Variants in ANKRD22 observed in about 807,000 individuals in gnomAD.
ANKRD22 encodes ankyrin repeat domain-containing protein 22.
In ANKRD22, 24 loss-of-function variants were observed where a neutral mutation model predicts 25.7. The ratio of observed to expected loss-of-function variants is 0.93; its 90% CI spans 0.68 to 1.31. The LOEUF (loss-of-function observed/expected upper bound fraction) is 1.31, where lower values mean the gene tolerates loss of function less well. Ranked by LOEUF, ANKRD22 falls within the 50% of genes most tolerant of loss-of-function variation. The pLI, the probability that ANKRD22 is intolerant of heterozygous loss-of-function variation, is 0.00. For missense variants in ANKRD22, 214 were observed against 227.1 expected (o/e 0.94, Z 0.37); for synonymous variants, 84 against 84.3 (o/e 1.00, Z 0.02).
intron 4 of ANKRD22, among the ~76,000 whole-genome samples, chr10:88,825,007 T>TCACACACACACACACA (rs568461484): frequency 4.2e-4 from 49 of 115,518 alleles, no homozygotes; most frequent in Middle Eastern, 4.8e-3. Flanking sequence ...TCTCTCTCTC[T>TCACACACACACACACA]CTCTCACACA....
chr10:88,845,701 G>C (rs1469664607), intron 1 of ANKRD22, among the ~76,000 whole-genome samples: 1 of 152,062 alleles, frequency 6.6e-6, no homozygotes, highest in Non-Finnish European at 1.5e-5. Context: ...TCACCCATTA[G>C]TCTAATGCAA....
chr10:88,829,931 C>T (rs1843888954), intron 2 of ANKRD22, among the ~76,000 whole-genome samples: 2 of 152,242 alleles, frequency 1.3e-5, no homozygotes, highest in Non-Finnish European at 1.5e-5. Context: ...CATGTGCCAC[C>T]ACACCTGGAT....
intron 4 of ANKRD22, 37 bp from the exon 5 acceptor site, chr10:88,823,415 CG>C (rs1564601674): frequency 6.6e-7 from 1 of 1,504,586 alleles, no homozygotes; most frequent in East Asian, 2.3e-5. Context: ...GCTCATAAGT[CG>C]GGCCCTCCAC....
At chr10:88,846,296 A>C (rs1338181134) in intron 1 of ANKRD22, among the ~76,000 whole-genome samples, 1 of 152,140 alleles carries the variant, frequency 6.6e-6, no homozygotes. Flanking sequence ...CATATACAAC[A>C]TCCTTTATGC....
At chr10:88,849,673 G>A (rs1271059599) in intron 1 of ANKRD22, among the ~76,000 whole-genome samples, 1 of 151,928 alleles carries the variant, frequency 6.6e-6, no homozygotes, top group African/African-American at 2.4e-5. Context: ...CTTAAAATAG[G>A]GCCTAATCTA....
At chr10:88,826,597 A>C (rs893852434) in intron 3 of ANKRD22, among the ~76,000 whole-genome samples, 1 of 152,116 alleles carries the variant, frequency 6.6e-6, no homozygotes, top group African/African-American at 2.4e-5. Context: ...TTAATCTTTC[A>C]TTCTCAGAGA....
At chr10:88,823,593 C>T (rs796828323) in intron 4 of ANKRD22, 5 of 434,444 alleles carry the variant, frequency 1.2e-5, no homozygotes, top group Admixed American at 7.3e-5. Context: ...TTTGGGAGGC[C>T]GAGGCGGGCG....
At chr10:88,825,315 T>C (rs755684208) in intron 4 of ANKRD22, among the ~76,000 whole-genome samples, 2 of 152,252 alleles carry the variant, frequency 1.3e-5, no homozygotes, top group Non-Finnish European at 1.5e-5. Context: ...CTTTTGTCTT[T>C]CTGTGATCAT....
intron 1 of ANKRD22, among the ~76,000 whole-genome samples, chr10:88,841,934 G>T (rs1172324717): frequency 1.3e-5 from 2 of 152,024 alleles, no homozygotes; most frequent in Admixed American, 6.6e-5. Context: ...TCCTGAATCG[G>T]TATTTGCTCA....
chr10:88,840,418 G>T (rs1158889783), intron 1 of ANKRD22, among the ~76,000 whole-genome samples: 1 of 152,138 alleles, frequency 6.6e-6, no homozygotes, highest in Non-Finnish European at 1.5e-5. Context: ...TGAACAACTT[G>T]TACCACTATG....
chr10:88,820,588 A>C lies in ANKRD22; in HGVS notation c.*2353T>G. On this transcript the variant is annotated 3_prime_UTR_variant, in exon 6 of 6. Coordinates refer to ENST00000371930, the MANE Select transcript of ANKRD22 (RefSeq NM_144590.3). ...GCAGAATTACGGAGAGCAGAGACCT[A>C]GTATACATTTTTCAGATTCCCTGCA... 7.7e-7 allele frequency: 1 copy of C among 1,298,284 alleles called. No homozygotes were observed. The highest frequency in any genetic ancestry group is 1.0e-6 in the Non-Finnish European group (1 of 970,264). The allele number at this position is 1,298,284 out of a possible 1,614,324, so 80.4% of individuals were successfully genotyped here.
rs746281497 is a variant in ANKRD22, at chr10:88,822,063, A to G, written c.*878T>C. ...CCTTGTATTTACAAAAGGATCATGA[A>G]GATTTTTTTAAACGAACATTTTCAT... On this transcript the variant is annotated 3_prime_UTR_variant, in exon 6 of 6. Transcript: ENST00000371930. The G allele has an allele frequency of 7.2e-5, 11 of 152,258 alleles. No individual in the cohort carries two copies. The highest frequency in any genetic ancestry group is 1.6e-4 in the Non-Finnish European group (11 of 68,042). The allele number at this position is 152,258 out of a possible 1,614,324, so 9.4% of individuals were successfully genotyped here.
rs1225084277 is a variant in ANKRD22 at position 88,828,602 on chromosome 10, A to T, written c.278T>A (p.Ile93Asn). 2.5e-6 allele frequency: 4 copies of T among 1,611,542 alleles called. No individual in the cohort carries two copies. Reference protein sequence around the residue: ...KKFTFIDYLLIILLMPVLLIG... With the variant: ...KKFTFIDYLLNILLMPVLLIG... ...AAGCAGAACAGGCATTAAGAGGATA[A>T]TTAGTAGATAATCAATGAAGGTAAA... The change falls in exon 3 of 6, where the codon ATT becomes AAT. Residue 93 changes from isoleucine to asparagine, a missense_variant. Transcript: ENST00000371930.
At chr10:88,824,124 G>A (rs1843831442) in intron 4 of ANKRD22, among the ~76,000 whole-genome samples, 1 of 152,200 alleles carries the variant, frequency 6.6e-6, no homozygotes, top group African/African-American at 2.4e-5. Context: ...TGCTCTTGCT[G>A]CAGGACACCT....
At chr10:88,842,043 G>A (rs1298121610) in intron 1 of ANKRD22, among the ~76,000 whole-genome samples, 1 of 152,094 alleles carries the variant, frequency 6.6e-6, no homozygotes, top group Non-Finnish European at 1.5e-5. Flanking sequence ...CAGTTTGGCT[G>A]GGGAAGGGCC....
chr10:88,831,987 C>T lies in ANKRD22; in HGVS notation c.61G>A (p.Val21Met). Reference sequence around the variant, plus strand: ...CTGTCTTCTTTCACCCACCGCCACACTTGTCCAAAGTCATTCTGATAGGCT... The same window carrying T: ...CTGTCTTCTTTCACCCACCGCCACATTTGTCCAAAGTCATTCTGATAGGCT... Reference protein sequence around the residue: ...QAAYQNDFGQVWRWVKEDSSY... With the variant: ...QAAYQNDFGQMWRWVKEDSSY... The change falls in exon 2 of 6, where the codon GTG (valine) becomes ATG (methionine). Residue 21 changes from valine (V) to methionine (M), a missense_variant. Coordinates refer to ENST00000371930, the MANE Select transcript of ANKRD22 (RefSeq NM_144590.3). The T allele has an allele frequency of 6.2e-7, 1 of 1,613,592 alleles. No individual in the cohort carries two copies. Among genetic ancestry groups the T allele is most frequent in the Non-Finnish European group, 8.5e-7 (1 of 1,179,816 alleles).
intron 1 of ANKRD22, among the ~76,000 whole-genome samples, chr10:88,840,301 G>A (rs1468998987): frequency 1.3e-5 from 2 of 152,258 alleles, no homozygotes; most frequent in South Asian, 2.1e-4. Flanking sequence ...TCAGCATGTT[G>A]ATGATTAACT....
At position 88,825,001 on chromosome 10, in the gene ANKRD22, T is replaced by TCACACACACACA. The variant is rs1450132434; in HGVS notation, c.399+1036_399+1037insTGTGTGTGTGTG. ...TTTTCTTTTGCTCTCTCTCTCTCTC[T>TCACACACACACA]CTCTCTCTCTCACACACACACACAC... On this transcript the variant is annotated intron_variant, in intron 4 of 5. Coordinates refer to ENST00000371930, the MANE Select transcript of ANKRD22 (RefSeq NM_144590.3). 1.1e-4 allele frequency among the ~76,000 whole-genome samples: 9 copies of TCACACACACACA among 81,402 alleles called. No homozygotes were observed. The East Asian group carries it at 2.9e-3, about 26-fold the overall frequency. The allele number at this position is 81,402 out of a possible 152,430, so 53.4% of individuals were successfully genotyped here. A position where few individuals can be genotyped will look rare whatever the true frequency, so the allele number is the denominator to read the frequency against.
Position 88,827,713 on chromosome 10 carries a change from C to G in ANKRD22, c.321+846G>C, listed in dbSNP as rs184237358. On this transcript the variant is annotated intron_variant, in intron 3 of 5. Coordinates refer to ENST00000371930, the MANE Select transcript of ANKRD22 (RefSeq NM_144590.3). Reference sequence around the variant, plus strand: ...CTCAAATTCTGTGGCATTTAAATACCCAATGAAATAATAACATTTTTGACG... The same window carrying G: ...CTCAAATTCTGTGGCATTTAAATACGCAATGAAATAATAACATTTTTGACG... 4.7e-4 allele frequency among the ~76,000 whole-genome samples: 71 copies of G among 152,116 alleles called. 1 individual carries two copies. The highest frequency in any genetic ancestry group is 4.1e-3 in the Admixed American group (62 of 15,288).
Sources: gnomAD v4.1 joint callset for allele counts (sites outside exome capture counted in the v4.1 genomes callset) on GRCh38, gnomAD v4.1.1 for gene constraint, MANE v1.5 for transcripts, NCBI Gene and HGNC (gene_info 2026-07-23, HGNC 2026-07-21) for gene names.